The following COL5A2 variants were observed in gnomAD, a reference collection of about 807,000 sequenced individuals.
COL5A2 encodes the protein collagen alpha-2(V) chain.
In COL5A2, 23 loss-of-function variants were observed where a neutral mutation model predicts 208.2. The observed-to-expected ratio is 0.11, with a 90% CI of 0.08 to 0.16. COL5A2 has a LOEUF of 0.16. Among genes scored for constraint, COL5A2 ranks in the 10% least tolerant of loss-of-function variants. COL5A2 has a pLI of 1.00. For synonymous variants in COL5A2, 625 were observed against 628.5 expected, an observed-to-expected ratio of 0.99 and a Z score of 0.08; for missense variants, 1,590 against 1,956.4, an observed-to-expected ratio of 0.81 and a Z score of 3.53.
At chr2:189,085,098 T>G in intron 11 of COL5A2, 62 bp downstream of exon 11, 1 of 1,302,164 alleles carries the variant, frequency 7.7e-7, no homozygotes, top group Non-Finnish European at 1.1e-6. Context: ...AACATTCTTG[T>G]TAACATTTTA....
chr2:189,319,183 A>G, the COL5A2 span, among the ~76,000 whole-genome samples: 1 of 152,374 alleles, frequency 6.6e-6, no homozygotes, highest in East Asian at 1.9e-4. Flanking sequence ...TGTTAAAGAA[A>G]GAGACTGCAA....
chr2:189,364,659 G>A, the COL5A2 span, among the ~76,000 whole-genome samples: 1 of 152,000 alleles, frequency 6.6e-6, no homozygotes, highest in East Asian at 1.9e-4. Flanking sequence ...ACTCCAGCAT[G>A]GGCGACAGAG....
At chr2:189,240,955 C>T in the COL5A2 span, among the ~76,000 whole-genome samples, 2 of 152,126 alleles carry the variant, frequency 1.3e-5, no homozygotes, top group African/African-American at 2.4e-5. Flanking sequence ...CTTTGCTACT[C>T]ATTGGGATTT....
In COL5A2 at chr2:189,050,570, G is replaced by T; in HGVS notation, c.3038C>A (p.Ala1013Glu). The change falls in exon 43 of 54, where the codon GCG becomes GAG. Residue 1013 changes from alanine to glutamate, a missense_variant and splice_region_variant. By Grantham distance (107) the Ala-to-Glu change is moderately radical. Transcript: ENST00000374866. The part of the protein sequence containing the change: ...ERGMPGLPGP[A>E]GTPGKVGPTG... ...ATATTGACCGATGCAGCTACTCACC[G>T]CTGGGCCTGGTAGGCCGGGCATGCC... 1 of 1,549,600 alleles carries T rather than the reference G, an allele frequency of 6.5e-7. No individual in the cohort carries two copies. The highest frequency in any genetic ancestry group is 8.7e-7 in the Non-Finnish European group (1 of 1,145,164).
At chr2:189,138,228 C>T (rs899700898) in intron 1 of COL5A2, among the ~76,000 whole-genome samples, 2 of 152,136 alleles carry the variant, frequency 1.3e-5, no homozygotes, top group Non-Finnish European at 2.9e-5. Context: ...CCCTCCTCGG[C>T]CTCCCAAAGT....
intron 1 of COL5A2, among the ~76,000 whole-genome samples, chr2:189,205,964 A>G (rs887177740): frequency 3.3e-5 from 5 of 152,304 alleles, no homozygotes; most frequent in African/African-American, 1.2e-4. Flanking sequence ...GGAGAGTGAT[A>G]AGCTCCTCCC....
At chr2:189,080,757 CA>C (rs780980769) in intron 13 of COL5A2, among the ~76,000 whole-genome samples, 2 of 152,118 alleles carry the variant, frequency 1.3e-5, no homozygotes, top group Non-Finnish European at 2.9e-5. Context: ...TCTTTTGTAG[CA>C]TAGTGTCCAG....
chr2:189,219,883 C>A (rs936665299), intron 1 of COL5A2, among the ~76,000 whole-genome samples: 61 of 146,572 alleles, frequency 4.2e-4, no homozygotes, highest in Non-Finnish European at 7.4e-4. Context: ...GCCCCCCCCC[C>A]ACTCTTAGAA....
At position 189,078,699 on chromosome 2, in the gene COL5A2, T is replaced by C. The variant is rs865992381; in HGVS notation, c.1006-130A>G. ...CAAGCAGTAGTATTTCCAGGGGCAATGTTGGGTTTGAAAAACTATCCCCAT... is the reference window on the plus strand; with the variant it reads ...CAAGCAGTAGTATTTCCAGGGGCAACGTTGGGTTTGAAAAACTATCCCCAT... On this transcript the variant is annotated intron_variant, in intron 15 of 53. Transcript: ENST00000374866. 11 of 833,526 alleles carry C rather than the reference T, an allele frequency of 1.3e-5. No individual in the cohort carries two copies. The African/African-American group carries it at 1.8e-4, about 14-fold the overall frequency. The allele number at this position is 833,526 out of a possible 1,614,324, so 51.6% of individuals were successfully genotyped here.
chr2:189,361,620 T>C, the COL5A2 span, among the ~76,000 whole-genome samples: 1 of 152,096 alleles, frequency 6.6e-6, no homozygotes. Flanking sequence ...AATTTATTAT[T>C]GAGAGGTAAA....
At chr2:189,269,132 T>C in the COL5A2 span, among the ~76,000 whole-genome samples, 1 of 152,150 alleles carries the variant, frequency 6.6e-6, no homozygotes, top group Non-Finnish European at 1.5e-5. Context: ...ATTCTTTCCA[T>C]TATGTGATTA....
At chr2:189,396,781 G>C in the COL5A2 span, among the ~76,000 whole-genome samples, 1 of 151,338 alleles carries the variant, frequency 6.6e-6, no homozygotes, top group East Asian at 2.0e-4. Context: ...TCACCTGAGG[G>C]GAGGAGTTTG....
chr2:189,101,136 T>C (rs1007356877), intron 3 of COL5A2, among the ~76,000 whole-genome samples: 1 of 152,048 alleles, frequency 6.6e-6, no homozygotes, highest in Non-Finnish European at 1.5e-5. Flanking sequence ...ATTAATATAT[T>C]AAGAAATAAT....
chr2:189,324,498 G>A, the COL5A2 span, among the ~76,000 whole-genome samples: 1 of 152,186 alleles, frequency 6.6e-6, no homozygotes, highest in Non-Finnish European at 1.5e-5. Flanking sequence ...ATCAAGAAGT[G>A]GGTGAAGGAT....
At chr2:189,354,680 A>G in the COL5A2 span, among the ~76,000 whole-genome samples, 1 of 151,920 alleles carries the variant, frequency 6.6e-6, no homozygotes, top group East Asian at 1.9e-4. Flanking sequence ...TTTCTGCTTT[A>G]TTAGTCTTGC....
At chr2:189,091,947 G>A (rs187273302) in intron 7 of COL5A2, among the ~76,000 whole-genome samples, 16 of 152,200 alleles carry the variant, frequency 1.1e-4, no homozygotes, top group African/African-American at 1.7e-4. Flanking sequence ...TGGAGGATAC[G>A]GAGCAGATTT....
At position 189,088,728 on chromosome 2, in the gene COL5A2, A is replaced by G. The variant is rs1326872796; in HGVS notation, c.612T>C (p.Leu204=). 1.2e-6 allele frequency: 2 copies of G among 1,614,052 alleles called. No individual in the cohort carries two copies. The highest frequency in any genetic ancestry group is 2.2e-5 in the South Asian group (2 of 91,082). The part of the protein sequence containing the change: ...QMAGLDEKSG[L]GSQVGLMPGS... ...CAGGCATTAGTCCTACTTGACTCCC[A>G]AGTCCAGATTTTTCATCCAACCCAG... The change falls in exon 8 of 54, where the codon CTT becomes CTC. Residue 204 remains leucine, a synonymous_variant. Coordinates refer to ENST00000374866, the MANE Select transcript of COL5A2 (RefSeq NM_000393.5).
At chr2:189,369,013 A>T in the COL5A2 span, among the ~76,000 whole-genome samples, 2 of 152,214 alleles carry the variant, frequency 1.3e-5, no homozygotes, top group South Asian at 2.1e-4. Flanking sequence ...TGCCATGAGA[A>T]TGTGTCCTGC....
intron 1 of COL5A2, among the ~76,000 whole-genome samples, chr2:189,187,540 TATTAAATGAG>T (rs1270052463): frequency 2.0e-5 from 3 of 152,208 alleles, no homozygotes; most frequent in Non-Finnish European, 2.9e-5. Flanking sequence ...TTGTTGTAAG[TATTAAATGAG>T]TTGAAATTTA....
Sources: gnomAD v4.1 joint callset for allele counts (sites outside exome capture counted in the v4.1 genomes callset) on GRCh38, gnomAD v4.1.1 for gene constraint, MANE v1.5 for transcripts, NCBI Gene and HGNC (gene_info 2026-07-23, HGNC 2026-07-21) for gene names.